Variants in ROBO1 observed in about 807,000 individuals in gnomAD.
ROBO1 encodes the protein roundabout guidance receptor 1.
ROBO1 carries 149 observed loss-of-function variants against 195.9 expected under a neutral mutation model. The observed-to-expected ratio is 0.76, with a 90% CI of 0.67 to 0.87. The LOEUF (loss-of-function observed/expected upper bound fraction) is 0.87, where lower values mean the gene tolerates loss of function less well. ROBO1 is among the 40% of genes least tolerant of loss of function. The pLI is 0.00. For synonymous variants in ROBO1, 816 were observed against 733.2 expected (o/e 1.11, Z -1.82); for missense variants, 1,933 against 2,068.3 (o/e 0.93, Z 1.27).
intron 3 of ROBO1, among the ~76,000 whole-genome samples, chr3:79,015,809 G>T (rs143980045): frequency 6.6e-6 from 1 of 152,256 alleles, no homozygotes; most frequent in East Asian, 1.9e-4. Context: ...ACAAGACTTA[G>T]TACTAAGCAT....
intron 1 of ROBO1, among the ~76,000 whole-genome samples, chr3:79,740,411 G>A (rs1175357682): frequency 6.6e-6 from 1 of 151,700 alleles, no homozygotes; most frequent in East Asian, 1.9e-4. Context: ...AACTGTATTG[G>A]TTCCTTCTCA....
intron 5 of ROBO1, among the ~76,000 whole-genome samples, chr3:78,720,761 G>A (rs1172719013): frequency 6.6e-6 from 1 of 152,186 alleles, no homozygotes; most frequent in Non-Finnish European, 1.5e-5. Context: ...ATACTATGCA[G>A]CCATAAAAAA....
At chr3:79,395,336 AAAAAAAAG>A (rs1422901082) in intron 2 of ROBO1, among the ~76,000 whole-genome samples, 3 of 139,568 alleles carry the variant, frequency 2.1e-5, no homozygotes, top group Non-Finnish European at 4.6e-5. Context: ...AAAAAAAAAA[AAAAAAAAG>A]AAAGAAAGAA....
chr3:79,544,891 C>G (rs1942206194), intron 2 of ROBO1, among the ~76,000 whole-genome samples: 1 of 151,890 alleles, frequency 6.6e-6, no homozygotes, highest in Non-Finnish European at 1.5e-5. Flanking sequence ...TCTTTTTTCT[C>G]TAAAAATGAT....
chr3:79,020,595 G>A (rs1447713309), intron 3 of ROBO1, among the ~76,000 whole-genome samples: 2 of 152,198 alleles, frequency 1.3e-5, no homozygotes, highest in Non-Finnish European at 2.9e-5. Flanking sequence ...GGGAGGCTAA[G>A]ACAGAAGAAT....
intron 6 of ROBO1, 36 bp from the exon 7 acceptor site, chr3:78,717,449 T>G (rs747205967): frequency 1.9e-6 from 3 of 1,593,388 alleles, no homozygotes; most frequent in African/African-American, 2.7e-5. Context: ...GGTAAAATTT[T>G]AAAATGAACC....
At chr3:78,998,344 T>C (rs568746859) in intron 3 of ROBO1, among the ~76,000 whole-genome samples, 2 of 152,278 alleles carry the variant, frequency 1.3e-5, no homozygotes, top group African/African-American at 2.4e-5. Context: ...ACTAGTTTTA[T>C]TTCAGGCCAT....
chr3:79,401,595 G>C (rs1246567126), intron 2 of ROBO1, among the ~76,000 whole-genome samples: 2 of 151,830 alleles, frequency 1.3e-5, no homozygotes, highest in African/African-American at 4.8e-5. Flanking sequence ...AAGAGTTTAA[G>C]TGATTTTAAA....
At chr3:79,756,959 C>A (rs1463174507) in intron 1 of ROBO1, among the ~76,000 whole-genome samples, 1 of 152,092 alleles carries the variant, frequency 6.6e-6, no homozygotes, top group East Asian at 1.9e-4. Context: ...TTTCAAAGTT[C>A]ACCCACATTG....
intron 2 of ROBO1, among the ~76,000 whole-genome samples, chr3:79,270,936 C>A (rs2030495703): frequency 6.6e-6 from 1 of 151,784 alleles, no homozygotes; most frequent in African/African-American, 2.4e-5. Flanking sequence ...AATATAATAG[C>A]AAAGAGCTAC....
intron 2 of ROBO1, among the ~76,000 whole-genome samples, chr3:79,577,231 T>C (rs1943515807): frequency 6.6e-6 from 1 of 152,164 alleles, no homozygotes; most frequent in Non-Finnish European, 1.5e-5. Flanking sequence ...ACATCAGGGC[T>C]ACAAAAGATA....
intron 4 of ROBO1, among the ~76,000 whole-genome samples, chr3:78,867,628 T>G (rs1222185980): frequency 2.6e-5 from 4 of 152,204 alleles, no homozygotes; most frequent in Non-Finnish European, 5.9e-5. Flanking sequence ...ATGATGCAAC[T>G]GATAGCCAGA....
chr3:79,519,396 C>T (rs768876033), intron 2 of ROBO1, among the ~76,000 whole-genome samples: 4 of 151,666 alleles, frequency 2.6e-5, no homozygotes, highest in Non-Finnish European at 5.9e-5. Context: ...TTTGGGAGGC[C>T]GAAACGGGTG....
intron 3 of ROBO1, among the ~76,000 whole-genome samples, chr3:79,065,058 T>A (rs2078982420): frequency 6.6e-6 from 1 of 151,962 alleles, no homozygotes; most frequent in Non-Finnish European, 1.5e-5. Flanking sequence ...ATTAAAAACC[T>A]TATAAACTCC....
chr3:79,144,028 G>A (rs2080590217), intron 2 of ROBO1, among the ~76,000 whole-genome samples: 1 of 151,694 alleles, frequency 6.6e-6, no homozygotes, highest in Admixed American at 6.6e-5. Flanking sequence ...TGACTCAAGA[G>A]TTCATTCCTT....
intron 4 of ROBO1, among the ~76,000 whole-genome samples, chr3:78,836,890 A>G (rs1207103587): frequency 6.6e-6 from 1 of 152,210 alleles, no homozygotes; most frequent in Non-Finnish European, 1.5e-5. Context: ...GGGGAAGCAC[A>G]GAAAACACCT....
intron 2 of ROBO1, among the ~76,000 whole-genome samples, chr3:79,239,607 C>T (rs1252830963): frequency 3.9e-5 from 6 of 152,168 alleles, no homozygotes; most frequent in Non-Finnish European, 8.8e-5. Context: ...GTATTATCAA[C>T]GGACTAACCA....
chr3:78,771,164 A>G (rs1435618284), intron 4 of ROBO1, among the ~76,000 whole-genome samples: 1 of 152,120 alleles, frequency 6.6e-6, no homozygotes, highest in Non-Finnish European at 1.5e-5. Flanking sequence ...GTTTATTCCC[A>G]TTGCTTATTT....
intron 1 of ROBO1, among the ~76,000 whole-genome samples, chr3:79,696,790 G>T (rs938057022): frequency 6.6e-6 from 1 of 151,338 alleles, no homozygotes; most frequent in African/African-American, 2.4e-5. Flanking sequence ...TGAAAAAAGT[G>T]GCAATTGTAT....
Sources: gnomAD v4.1 joint callset for allele counts (sites outside exome capture counted in the v4.1 genomes callset) on GRCh38, gnomAD v4.1.1 for gene constraint, MANE v1.5 for transcripts, NCBI Gene and HGNC (gene_info 2026-07-23, HGNC 2026-07-21) for gene names.